DNAJC13: variants seen among roughly 807,000 people sequenced by gnomAD.
The protein encoded by DNAJC13 is DnaJ heat shock protein family (Hsp40) member C13.
DNAJC13 carries 75 observed loss-of-function variants against 290.5 expected under a neutral mutation model. That is an observed-to-expected ratio of 0.26 (90% CI 0.21 to 0.31). DNAJC13 has a LOEUF of 0.31. Ranked by LOEUF, DNAJC13 falls within the 10% of genes least tolerant of loss-of-function variation. DNAJC13 has a pLI of 1.00. For synonymous variants in DNAJC13, 862 were observed against 892.0 expected, an observed-to-expected ratio of 0.97 and a Z score of 0.60; for missense variants, 2,260 against 2,674.5, an observed-to-expected ratio of 0.85 and a Z score of 3.42.
intron 33 of DNAJC13, 77 bp from the exon 34 acceptor site, chr3:132,494,067 A>G: frequency 1.0e-6 from 1 of 997,448 alleles, no homozygotes. Flanking sequence ...TAAATACAGC[A>G]CAATAATTCT....
chr3:132,460,450 TA>T, intron 14 of DNAJC13, 93 bp downstream of exon 14: 4 of 792,676 alleles, frequency 5.0e-6, no homozygotes, highest in Non-Finnish European at 8.1e-6. Context: ...TTTTTTTTTT[TA>T]TTGTAGCCCC....
At chr3:132,471,247 A>AC (rs1175238195) in intron 20 of DNAJC13, among the ~76,000 whole-genome samples, 7 of 104,830 alleles carry the variant, frequency 6.7e-5, no homozygotes, top group East Asian at 3.0e-4. Flanking sequence ...CGGGGGGCTG[A>AC]CCCCCCCACC....
intron 38 of DNAJC13, 72 bp from the exon 39 acceptor site, chr3:132,500,722 G>C: frequency 6.3e-7 from 1 of 1,589,232 alleles, no homozygotes; most frequent in Non-Finnish European, 8.6e-7. Flanking sequence ...CTGCTGGTTT[G>C]ATTTCTATGT....
At chr3:132,536,013 A>G (rs1936578809) in intron 55 of DNAJC13, among the ~76,000 whole-genome samples, 1 of 152,178 alleles carries the variant, frequency 6.6e-6, no homozygotes, top group Admixed American at 6.5e-5. Flanking sequence ...TTCTAAGCCC[A>G]TCATTTCACC....
chr3:132,489,880 A>G (rs888016861), intron 31 of DNAJC13, among the ~76,000 whole-genome samples: 2 of 152,218 alleles, frequency 1.3e-5, no homozygotes, highest in Admixed American at 6.5e-5. Flanking sequence ...ACCTTCATGT[A>G]GTATTAGACA....
At chr3:132,506,068 T>TTTTTTTTTAG (rs1935576378) in intron 42 of DNAJC13, among the ~76,000 whole-genome samples, 1 of 140,188 alleles carries the variant, frequency 7.1e-6, no homozygotes, top group Admixed American at 7.1e-5. Context: ...TTTTTTTTTT[T>TTTTTTTTTAG]GAGATGGAAT....
intron 35 of DNAJC13, 149 bp from the exon 36 acceptor site, chr3:132,496,379 A>G: frequency 1.4e-6 from 1 of 695,144 alleles, no homozygotes; most frequent in Non-Finnish European, 2.2e-6. Flanking sequence ...TTAACAGTAT[A>G]CCAGCTAGAT....
At chr3:132,511,034 C>T in intron 43 of DNAJC13, 33 bp from the exon 44 acceptor site, 1 of 1,599,798 alleles carries the variant, frequency 6.3e-7, no homozygotes, top group Non-Finnish European at 8.5e-7. Flanking sequence ...TTAGGGCACC[C>T]ATGTTGTTTA....
chr3:132,504,979 T>C (rs1451236849), intron 41 of DNAJC13, among the ~76,000 whole-genome samples: 1 of 152,260 alleles, frequency 6.6e-6, no homozygotes, highest in Non-Finnish European at 1.5e-5. Context: ...GTTTATTAAG[T>C]ACTTTCAAAA....
rs201037704 is a variant in DNAJC13, at chr3:132,482,360, G to T, written c.2979+30G>T. 1.9e-4 allele frequency: 304 copies of T among 1,570,506 alleles called. No homozygotes were observed. In the Middle Eastern group the frequency reaches 2.7e-3, roughly 14 times the overall value. ...GTATCTTGGAGATACTTTTGGTGAA[G>T]GTCTCAGCATTTCTTATGCCCTCCT... On this transcript the variant is annotated intron_variant, in intron 27 of 55. Transcript: ENST00000260818.
At chr3:132,513,133 T>C in intron 45 of DNAJC13, 34 bp downstream of exon 45, 1 of 1,523,554 alleles carries the variant, frequency 6.6e-7, no homozygotes, top group Non-Finnish European at 9.1e-7. Context: ...GTGTTGCCTT[T>C]CCTACCACTT....
At chr3:132,506,585 C>T (rs1197936649) in intron 42 of DNAJC13, among the ~76,000 whole-genome samples, 5 of 104,082 alleles carry the variant, frequency 4.8e-5, no homozygotes, top group Non-Finnish European at 8.9e-5. Flanking sequence ...TTGAGTCTCA[C>T]TCTGTTGCCA....
chr3:132,519,339 T>G (rs929054011), intron 48 of DNAJC13, among the ~76,000 whole-genome samples: 1 of 152,222 alleles, frequency 6.6e-6, no homozygotes, highest in Non-Finnish European at 1.5e-5. Flanking sequence ...TACATCATGG[T>G]TTCGATCTGC....
intron 1 of DNAJC13, among the ~76,000 whole-genome samples, chr3:132,422,507 G>A (rs1938989803): frequency 6.6e-6 from 1 of 152,182 alleles, no homozygotes. Flanking sequence ...ATTTTAATCA[G>A]TGGTTTTCAA....
At chr3:132,502,046 A>C (rs560162701) in intron 39 of DNAJC13, among the ~76,000 whole-genome samples, 1 of 152,234 alleles carries the variant, frequency 6.6e-6, no homozygotes, top group African/African-American at 2.4e-5. Context: ...ACTATTCCCA[A>C]GTCTTCTGAC....
chr3:132,516,696 C>T lies in DNAJC13; in HGVS notation c.5561-8C>T. On this transcript the variant is annotated splice_region_variant and splice_polypyrimidine_tract_variant and intron_variant, in intron 47 of 55. Coordinates refer to ENST00000260818, the MANE Select transcript of DNAJC13 (RefSeq NM_015268.4). ...TTTATAAGCACTAATTATCTTTTTCCTTCATAGGTGCTTTGATCTATTTAC... is the reference window on the plus strand; with the variant it reads ...TTTATAAGCACTAATTATCTTTTTCTTTCATAGGTGCTTTGATCTATTTAC... The T allele has an allele frequency of 1.2e-6, 2 of 1,603,642 alleles. No individual in the cohort carries two copies. Among genetic ancestry groups the T allele is most frequent in the Non-Finnish European group, 1.7e-6 (2 of 1,176,588 alleles).
At chr3:132,533,600 C>T (rs578075467) in intron 55 of DNAJC13, among the ~76,000 whole-genome samples, 7 of 151,978 alleles carry the variant, frequency 4.6e-5, no homozygotes, top group Non-Finnish European at 1.0e-4. Context: ...ATGATCCACC[C>T]GCCTGGTACT....
chr3:132,497,408 G>A (rs1935268001), intron 36 of DNAJC13, among the ~76,000 whole-genome samples: 1 of 152,188 alleles, frequency 6.6e-6, no homozygotes, highest in Non-Finnish European at 1.5e-5. Flanking sequence ...ATTTGCTATG[G>A]TATGTTGGGA....
intron 29 of DNAJC13, among the ~76,000 whole-genome samples, chr3:132,486,575 C>T (rs965454408): frequency 3.3e-5 from 5 of 152,112 alleles, no homozygotes; most frequent in African/African-American, 1.2e-4. Context: ...TAGCTTCGAA[C>T]AGTGTGTGAC....
Sources: allele counts gnomAD v4.1 joint callset (sites outside exome capture counted in the v4.1 genomes callset), GRCh38; gene constraint gnomAD v4.1.1; transcripts MANE v1.5; gene names NCBI Gene and HGNC (gene_info 2026-07-23, HGNC 2026-07-21).